The following OR4Q3 variants were observed in gnomAD, a reference collection of about 807,000 sequenced individuals.
The protein encoded by OR4Q3 is olfactory receptor family 4 subfamily Q member 3.
OR4Q3 carries 17 observed loss-of-function variants against 18.8 expected under a neutral mutation model. That is an observed-to-expected ratio of 0.91 (90% CI 0.62 to 1.36). OR4Q3 has a LOEUF of 1.36. OR4Q3 is among the 40% of genes most tolerant of loss of function. OR4Q3 has a pLI of 0.00. For missense variants in OR4Q3, 378 were observed against 373.4 expected, an observed-to-expected ratio of 1.01 and a Z score of -0.10; for synonymous variants, 158 against 145.8, an observed-to-expected ratio of 1.08 and a Z score of -0.60.
In OR4Q3 at chr14:19,748,138, C is replaced by T; in HGVS notation, c.735C>T (p.Val245=). 30 of 1,613,954 alleles carry T rather than the reference C, an allele frequency of 1.9e-5. No homozygotes were observed. The African/African-American group carries it at 3.6e-4, about 19-fold the overall frequency. Residue 245 remains valine (V), a synonymous_variant, in exon 2 of 2, where the codon GTC becomes GTT. Coordinates refer to ENST00000642117, the Ensembl canonical transcript of OR4Q3. Reference sequence around the variant, plus strand: ...ACTTCTGCCAGGGCCAGAACAAGGTCTTCTCTACCTGTGCTTCTCACCTGA... The same window carrying T: ...ACTTCTGCCAGGGCCAGAACAAGGTTTTCTCTACCTGTGCTTCTCACCTGA...
At chr14:19,748,436 C>A in exon 2 of OR4Q3, 1 of 1,260,226 alleles carries the variant, frequency 7.9e-7, no homozygotes, top group Non-Finnish European at 1.1e-6. Context: ...TCATCTTGTA[C>A]ATGGGTAAAA....
rs576259953 is a variant in OR4Q3 at position 19,744,452 on chromosome 14, C to A, written c.2+781C>A. Among the ~76,000 whole-genome samples, 3 of 152,268 alleles carry A rather than the reference C, an allele frequency of 2.0e-5. No homozygotes were observed. The East Asian group carries it at 5.8e-4, about 29-fold the overall frequency. The stretch of plus-strand genomic sequence containing the variant: ...GGAGAAAAATTTTACTCCTTTTCTT[C>A]ATATTTTCCTCATAAACATCTCCGG... On this transcript the variant is annotated intron_variant, in intron 1 of 1. Coordinates refer to ENST00000642117, the Ensembl canonical transcript of OR4Q3.
intron 1 of OR4Q3, among the ~76,000 whole-genome samples, chr14:19,747,166 G>A: frequency 7.4e-4 from 112 of 152,262 alleles, no homozygotes; most frequent in African/African-American, 2.5e-3. Context: ...TAATGTCCAC[G>A]TCATTGTGTT....
At chr14:19,744,878 G>A in intron 1 of OR4Q3, among the ~76,000 whole-genome samples, 99,276 of 150,090 alleles carry the variant, frequency 0.66, 28,337 homozygotes, top group African/African-American at 0.73. Flanking sequence ...CATTCTTCAC[G>A]GAACAGTCAC....
Position 19,747,525 on chromosome 14 carries a change from T to G in OR4Q3, c.122T>G (p.Phe41Cys). ...CTATTTCTCTTCTTACTATTTTTGTTTTTTTACATTGCTATTGTCCTGGGA... is the reference window on the plus strand; with the variant it reads ...CTATTTCTCTTCTTACTATTTTTGTGTTTTTACATTGCTATTGTCCTGGGA... The change falls in exon 2 of 2, where the codon TTT becomes TGT. Residue 41 changes from phenylalanine to cysteine, a missense_variant. By Grantham distance (205) the Phe-to-Cys change is radical. Transcript: ENST00000642117. 1.6e-4 allele frequency: 256 copies of G among 1,613,676 alleles called. No individual in the cohort carries two copies. In the East Asian group the frequency reaches 4.7e-3, roughly 30 times the overall value.
downstream of OR4Q3, among the ~76,000 whole-genome samples, chr14:19,751,112 A>G: frequency 2.0e-5 from 3 of 152,344 alleles, no homozygotes; most frequent in East Asian, 5.8e-4. Context: ...TAGTCTTGGC[A>G]AATCATTTTA....
chr14:19,744,832 G>A, intron 1 of OR4Q3, among the ~76,000 whole-genome samples: 1 of 152,136 alleles, frequency 6.6e-6, no homozygotes, highest in Admixed American at 6.6e-5. Flanking sequence ...TTGGGGTGTA[G>A]ACATTCCTTC....
chr14:19,748,614 T>C, exon 2 of OR4Q3: 21 of 468,828 alleles, frequency 4.5e-5, no homozygotes, highest in Middle Eastern at 1.1e-3. Flanking sequence ...CCACAAACGA[T>C]AACAAGCATT....
At chr14:19,748,085 G>T in exon 2 of OR4Q3, 9 of 1,614,052 alleles carry the variant, frequency 5.6e-6, no homozygotes, top group Non-Finnish European at 7.6e-6. Flanking sequence ...ATTCTCTTAT[G>T]CTATCATCCT....
At position 19,747,394 on chromosome 14, in the gene OR4Q3, ATTC is replaced by A; in HGVS notation, c.3-6_3-4del. On this transcript the variant is annotated splice_polypyrimidine_tract_variant and intron_variant, in intron 1 of 1. Coordinates refer to ENST00000642117, the Ensembl canonical transcript of OR4Q3. Reference sequence around the variant, plus strand: ...CTTAAATCTCCCTTGTTCTGATTTAATTCTTCTTTAGGTCACTTGATATTCTTG... The same window carrying A: ...CTTAAATCTCCCTTGTTCTGATTTAATTCTTTAGGTCACTTGATATTCTTG... 42 of 1,406,716 alleles carry A rather than the reference ATTC, an allele frequency of 3.0e-5. No homozygotes were observed. The highest frequency in any genetic ancestry group is 4.0e-5 in the Non-Finnish European group (41 of 1,017,520). The allele number at this position is 1,406,716 out of a possible 1,614,324, so 87.1% of individuals were successfully genotyped here. A position where few individuals can be genotyped will look rare whatever the true frequency, so the allele number is the denominator to read the frequency against.
chr14:19,749,762 CTCTT>C, downstream of OR4Q3, among the ~76,000 whole-genome samples: 1 of 142,654 alleles, frequency 7.0e-6, no homozygotes, highest in Non-Finnish European at 1.5e-5. Flanking sequence ...TCTTCTTTCT[CTCTT>C]TTTCTCTTTT....
chr14:19,748,342 A>C, exon 2 of OR4Q3: 1 of 1,610,420 alleles, frequency 6.2e-7, no homozygotes. Context: ...TGAGGATAAA[A>C]CCATGTGGCA....
chr14:19,751,840 T>C, downstream of OR4Q3, among the ~76,000 whole-genome samples: 1 of 152,196 alleles, frequency 6.6e-6, no homozygotes, highest in East Asian at 1.9e-4. Context: ...TAACTCTTGG[T>C]TTCATTGACC....
Position 19,746,691 on chromosome 14 carries a change from A to C in OR4Q3, c.3-715A>C. Among the ~76,000 whole-genome samples the C allele has an allele frequency of 6.6e-5, 10 of 152,336 alleles. No homozygotes were observed. In the East Asian group the frequency reaches 9.7e-4, roughly 15 times the overall value. On this transcript the variant is annotated intron_variant, in intron 1 of 1. Coordinates refer to ENST00000642117, the Ensembl canonical transcript of OR4Q3. ...TAATTTCTGTGACCTGGGATAGTAA[A>C]GACAAAAAATATGAGCTCTGTTTCA... is the stretch of plus-strand genomic sequence containing the variant.
downstream of OR4Q3, among the ~76,000 whole-genome samples, chr14:19,751,424 T>C: frequency 6.6e-6 from 1 of 152,208 alleles, no homozygotes; most frequent in Admixed American, 6.5e-5. Flanking sequence ...CCTTCCTTTT[T>C]TATTTTTTTG....
intron 1 of OR4Q3, among the ~76,000 whole-genome samples, chr14:19,744,482 C>T (rs751136600): frequency 1.3e-5 from 2 of 152,174 alleles, no homozygotes; most frequent in East Asian, 3.9e-4. Context: ...CTCCGGTTCC[C>T]TGTTTAGAAA....
intron 1 of OR4Q3, among the ~76,000 whole-genome samples, chr14:19,746,572 C>T: frequency 1.3e-5 from 2 of 152,120 alleles, no homozygotes; most frequent in African/African-American, 2.4e-5. Context: ...TGATTAGTGT[C>T]TTTTAATCAT....
At chr14:19,749,760 CTCTCTTTT>C, downstream of OR4Q3, among the ~76,000 whole-genome samples, 5 of 128,824 alleles carry the variant, frequency 3.9e-5, no homozygotes, top group African/African-American at 1.3e-4. Context: ...TTTCTTCTTT[CTCTCTTTT>C]TCTCTTTTTC....
At position 19,748,278 on chromosome 14, in the gene OR4Q3, AC is replaced by A; in HGVS notation, c.880del (p.Leu294SerfsTer10). On this transcript the variant is annotated frameshift_variant, in exon 2 of 2. Transcript: ENST00000642117. LOFTEE classifies it high-confidence loss of function. ...TACACAGTGATTACACCTATGTTGA[AC>A]CCCCTCATCTACACACTCAGAAATA... 7.1e-7 allele frequency: 1 copy of A among 1,413,076 alleles called. No individual in the cohort carries two copies. The highest frequency in any genetic ancestry group is 9.3e-7 in the Non-Finnish European group (1 of 1,072,222). 87.5% of individuals were successfully genotyped at this position (1,413,076 alleles called of 1,614,324 possible). A position where few individuals can be genotyped will look rare whatever the true frequency, so the allele number is the denominator to read the frequency against.
Sources: gnomAD v4.1 joint callset for allele counts (sites outside exome capture counted in the v4.1 genomes callset) on GRCh38, gnomAD v4.1.1 for gene constraint, MANE v1.5 for transcripts, NCBI Gene and HGNC (gene_info 2026-07-23, HGNC 2026-07-21) for gene names.